The following L3HYPDH variants were observed in gnomAD, a reference collection of about 807,000 sequenced individuals.
The protein encoded by L3HYPDH is trans-3-hydroxy-L-proline dehydratase.
In L3HYPDH, 32 loss-of-function variants were observed where a neutral mutation model predicts 26.5. The observed-to-expected ratio is 1.21, with a 90% CI of 0.91 to 1.62. The LOEUF (loss-of-function observed/expected upper bound fraction) is 1.62, where lower values mean the gene tolerates loss of function less well. Ranked by LOEUF, L3HYPDH falls within the 40% of genes most tolerant of loss-of-function variation. L3HYPDH has a pLI of 0.00. For synonymous variants in L3HYPDH, 215 were observed against 196.6 expected, an observed-to-expected ratio of 1.09 and a Z score of -0.78; for missense variants, 554 against 476.4, an observed-to-expected ratio of 1.16 and a Z score of -1.52.
chr14:59,486,915 G>A, upstream of L3HYPDH: 1 of 790,614 alleles, frequency 1.3e-6, no homozygotes, highest in Non-Finnish European at 2.0e-6. Flanking sequence ...AAAAGAATAT[G>A]GAGGACCAGG....
chr14:59,503,059 C>T, the L3HYPDH span, among the ~76,000 whole-genome samples: 1 of 151,972 alleles, frequency 6.6e-6, no homozygotes. Context: ...TGAATTTTTA[C>T]AGCTTATCCA....
the L3HYPDH span, among the ~76,000 whole-genome samples, chr14:59,489,865 A>G: frequency 7.5e-6 from 1 of 133,896 alleles, no homozygotes; most frequent in African/African-American, 3.2e-5. Context: ...ACATGGTGAT[A>G]GGGGGAGGAG....
At chr14:59,477,360 C>G (rs780967501) in intron 2 of L3HYPDH, among the ~76,000 whole-genome samples, 1 of 152,176 alleles carries the variant, frequency 6.6e-6, no homozygotes, top group African/African-American at 2.4e-5. Context: ...TGGCCTTTTC[C>G]TAAATCTGCT....
At chr14:59,486,556 G>A, upstream of L3HYPDH, 1 of 620,396 alleles carries the variant, frequency 1.6e-6, no homozygotes, top group East Asian at 2.8e-5. Context: ...CAGTGTAAAA[G>A]GAGAAATGTA....
downstream of L3HYPDH, among the ~76,000 whole-genome samples, chr14:59,468,929 G>C (rs761055442): frequency 6.7e-5 from 10 of 149,746 alleles, no homozygotes; most frequent in Middle Eastern, 3.4e-3. Context: ...TTCTCTGGGC[G>C]TAAGTAACAC....
chr14:59,500,117 T>C, the L3HYPDH span, among the ~76,000 whole-genome samples: 1 of 152,222 alleles, frequency 6.6e-6, no homozygotes, highest in Non-Finnish European at 1.5e-5. Flanking sequence ...CAACATTGTT[T>C]AGCTACTTAT....
At chr14:59,477,953 G>A (rs529588599) in intron 2 of L3HYPDH, among the ~76,000 whole-genome samples, 5 of 152,122 alleles carry the variant, frequency 3.3e-5, no homozygotes, top group African/African-American at 4.8e-5. Context: ...TGCTTCACTC[G>A]TGCTAGAAGT....
the L3HYPDH span, chr14:59,503,900 T>C: frequency 6.2e-7 from 1 of 1,613,420 alleles, no homozygotes; most frequent in East Asian, 2.2e-5. Flanking sequence ...ATTGTTCTCT[T>C]CAGCCACTGG....
chr14:59,484,530 T>G (rs368663906), upstream of L3HYPDH: 64 of 1,556,480 alleles, frequency 4.1e-5, no homozygotes, highest in African/African-American at 7.4e-4. Flanking sequence ...GCCCGGATGT[T>G]CGGTGCAGCT....
At chr14:59,475,833 C>T (rs1162108201) in intron 4 of L3HYPDH, 36 bp downstream of exon 4, 7 of 1,585,474 alleles carry the variant, frequency 4.4e-6, no homozygotes, top group Non-Finnish European at 6.0e-6. Context: ...TCATGAGTGA[C>T]ACATTTATAA....
In L3HYPDH at chr14:59,472,679, C is replaced by A. The variant is rs189337776; in HGVS notation, c.*286G>T. The A allele has an allele frequency of 1.9e-3, 471 of 250,478 alleles. 2 individuals are homozygous for A. The highest frequency in any genetic ancestry group is 2.7e-3 in the Non-Finnish European group (362 of 133,664). The allele number at this position is 250,478 out of a possible 1,614,324, so 15.5% of individuals were successfully genotyped here. ...GATATTAATAGTAATTACTATAGAGCAATATTTTAAAAGTAACTACTGTTT... is the reference window on the plus strand; with the variant it reads ...GATATTAATAGTAATTACTATAGAGAAATATTTTAAAAGTAACTACTGTTT... On this transcript the variant is annotated 3_prime_UTR_variant, in exon 5 of 5. Coordinates refer to ENST00000247194, the MANE Select transcript of L3HYPDH (RefSeq NM_144581.2).
downstream of L3HYPDH, among the ~76,000 whole-genome samples, chr14:59,470,294 G>C (rs900641658): frequency 6.6e-6 from 1 of 152,200 alleles, no homozygotes; most frequent in Non-Finnish European, 1.5e-5. Context: ...CTGAGAGCTT[G>C]TTAGAAATGC....
chr14:59,493,440 G>C, the L3HYPDH span, among the ~76,000 whole-genome samples: 17,525 of 152,206 alleles, frequency 0.12, 1,477 homozygotes, highest in South Asian at 0.26. Context: ...CTGCCCAGTT[G>C]AGCCCAGTCA....
chr14:59,504,617 A>C, the L3HYPDH span: 1 of 152,784 alleles, frequency 6.5e-6, no homozygotes, highest in Admixed American at 6.5e-5. Flanking sequence ...AATAATTTAT[A>C]TAACAGGTTT....
rs756464577 is a variant in L3HYPDH at position 59,484,331 on chromosome 14, G to C, written c.-15C>G. 6.4e-7 allele frequency: 1 copy of C among 1,573,696 alleles called. No homozygotes were observed. Among genetic ancestry groups the C allele is most frequent in the Non-Finnish European group, 8.6e-7 (1 of 1,166,846 alleles). On this transcript the variant is annotated 5_prime_UTR_variant, in exon 1 of 5. Coordinates refer to ENST00000247194, the MANE Select transcript of L3HYPDH (RefSeq NM_144581.2). ...GCGCTCTCCATGGTCTGCGTCGGGGGAGACGAGTACGGTCCCGCAGCTATG... is the reference window on the plus strand; with the variant it reads ...GCGCTCTCCATGGTCTGCGTCGGGGCAGACGAGTACGGTCCCGCAGCTATG...
In L3HYPDH at chr14:59,484,106, C is replaced by T; in HGVS notation, c.211G>A (p.Gly71Arg). 3 of 1,604,960 alleles carry T rather than the reference C, an allele frequency of 1.9e-6. No individual in the cohort carries two copies. The highest frequency in any genetic ancestry group is 1.7e-4 in the Middle Eastern group (1 of 6,058). The change falls in exon 1 of 5, where the codon GGG (glycine) becomes AGG (arginine). Residue 71 changes from glycine to arginine, a missense_variant. Gly to Arg is a moderately radical substitution (Grantham distance 125). Coordinates refer to ENST00000247194, the MANE Select transcript of L3HYPDH (RefSeq NM_144581.2). Reference sequence around the variant, plus strand: ...ACCGCCCCGTACATGTCCCGGTGCCCTCGGGGCTCGAACATGAGCCGTCGC... The same window carrying T: ...ACCGCCCCGTACATGTCCCGGTGCCTTCGGGGCTCGAACATGAGCCGTCGC... ...VRRRLMFEPR[G>R]HRDMYGAVLV...
At chr14:59,480,091 AGCTTGGTGATCACT>A (rs1427576388) in intron 1 of L3HYPDH, among the ~76,000 whole-genome samples, 11 of 152,144 alleles carry the variant, frequency 7.2e-5, no homozygotes, top group African/African-American at 2.4e-4. Context: ...AATTTAAGCT[AGCTTGGTGATCACT>A]GCCTTTTAGG....
the L3HYPDH span, among the ~76,000 whole-genome samples, chr14:59,492,602 G>T: frequency 6.6e-6 from 1 of 152,142 alleles, no homozygotes; most frequent in African/African-American, 2.4e-5. Context: ...ACCAGGCAAG[G>T]ATCATTTGTA....
downstream of L3HYPDH, among the ~76,000 whole-genome samples, chr14:59,470,055 T>C (rs546551033): frequency 6.6e-6 from 1 of 152,318 alleles, no homozygotes; most frequent in Non-Finnish European, 1.5e-5. Flanking sequence ...TCAGCTGTTT[T>C]ATGTTTTTGG....
Sources: gnomAD v4.1 joint callset for allele counts (sites outside exome capture counted in the v4.1 genomes callset) on GRCh38, gnomAD v4.1.1 for gene constraint, MANE v1.5 for transcripts, NCBI Gene and HGNC (gene_info 2026-07-23, HGNC 2026-07-21) for gene names.